THRB: variants seen among roughly 807,000 people sequenced by gnomAD.
THRB encodes thyroid hormone receptor beta.
A neutral mutation model predicts 47.8 loss-of-function variants in THRB; 12 were observed. That is an observed-to-expected ratio of 0.25 (90% CI 0.16 to 0.41). The LOEUF is 0.41. Ranked by LOEUF, THRB falls within the 10% of genes least tolerant of loss-of-function variation. The pLI is 1.00. For missense variants in THRB, 348 were observed against 589.2 expected (o/e 0.59, Z 4.24); for synonymous variants, 218 against 212.2 (o/e 1.03, Z -0.24).
chr3:24,402,140 C>T (rs2067455838), intron 1 of THRB, among the ~76,000 whole-genome samples: 1 of 152,066 alleles, frequency 6.6e-6, no homozygotes, highest in Non-Finnish European at 1.5e-5. Flanking sequence ...GTTACAGAGG[C>T]TCCTGCCCTC....
intron 1 of THRB, among the ~76,000 whole-genome samples, chr3:24,361,378 C>A (rs1219810665): frequency 6.6e-6 from 1 of 152,056 alleles, no homozygotes; most frequent in Non-Finnish European, 1.5e-5. Context: ...TAATACACAG[C>A]CCAAAATAGA....
chr3:24,157,087 T>C (rs538096144), intron 5 of THRB, among the ~76,000 whole-genome samples: 1 of 152,350 alleles, frequency 6.6e-6, no homozygotes, highest in Non-Finnish European at 1.5e-5. Context: ...GGTACAAACT[T>C]GAAACAGCAT....
chr3:24,376,776 A>G (rs868295214), intron 1 of THRB, among the ~76,000 whole-genome samples: 1 of 152,182 alleles, frequency 6.6e-6, no homozygotes, highest in African/African-American at 2.4e-5. Context: ...AATGCCTGCC[A>G]GAACAAAACT....
intron 8 of THRB, among the ~76,000 whole-genome samples, chr3:24,136,426 C>G (rs1375759162): frequency 6.6e-6 from 1 of 152,136 alleles, no homozygotes; most frequent in Non-Finnish European, 1.5e-5. Context: ...GAGTTATTAT[C>G]AGGTTAATCA....
intron 1 of THRB, among the ~76,000 whole-genome samples, chr3:24,484,789 A>G (rs1442645357): frequency 6.6e-6 from 1 of 152,316 alleles, no homozygotes; most frequent in African/African-American, 2.4e-5. Flanking sequence ...TATTTATGAT[A>G]TAGCCTGTTA....
chr3:24,477,007 ATTT>A (rs558247174), intron 1 of THRB, among the ~76,000 whole-genome samples: 6 of 126,468 alleles, frequency 4.7e-5, no homozygotes, highest in African/African-American at 1.2e-4. Context: ...GGTTTTCAAG[ATTT>A]TTTTTTTTTT....
chr3:24,122,788 C>T lies in THRB; in HGVS notation c.*96G>A. 1.3e-6 allele frequency: 2 copies of T among 1,571,430 alleles called. No individual in the cohort carries two copies. Among genetic ancestry groups the T allele is most frequent in the East Asian group, 2.2e-5 (1 of 44,650 alleles). ...TTCCCTTTTCCCTCCCAAATAATCC[C>T]TCCCAACACAAAGAAACAAACAAAA... On this transcript the variant is annotated 3_prime_UTR_variant, in exon 11 of 11. Transcript: ENST00000646209.
At position 24,268,215 on chromosome 3, in the gene THRB, CCAAA is replaced by C. The variant is rs201020096; in HGVS notation, c.-43+29007_-43+29010del. On this transcript the variant is annotated intron_variant, in intron 3 of 10. Coordinates refer to ENST00000646209, the MANE Select transcript of THRB (RefSeq NM_001354712.2). The stretch of plus-strand genomic sequence containing the variant: ...CCCTCAGTGATTCTTGAAAAAACAG[CCAAA>C]CAAACAAAAAAACTGGAGAGTGAAA... 7.1e-3 allele frequency among the ~76,000 whole-genome samples: 1,073 copies of C among 151,988 alleles called. 14 individuals are homozygous for C. Among genetic ancestry groups the C allele is most frequent in the African/African-American group, 0.021 (854 of 41,362 alleles).
intron 2 of THRB, among the ~76,000 whole-genome samples, 168 bp from the exon 3 acceptor site, chr3:24,297,539 C>A (rs932647956): frequency 6.6e-6 from 1 of 152,200 alleles, no homozygotes; most frequent in Non-Finnish European, 1.5e-5. Context: ...CAAATGCATA[C>A]TCATTACAGA....
chr3:24,327,576 A>G (rs1224777924), intron 2 of THRB, among the ~76,000 whole-genome samples: 1 of 152,270 alleles, frequency 6.6e-6, no homozygotes, highest in Non-Finnish European at 1.5e-5. Flanking sequence ...TACTTGGGAT[A>G]TATCTGTAAA....
chr3:24,155,396 G>C (rs1398494498), intron 5 of THRB, among the ~76,000 whole-genome samples: 1 of 152,084 alleles, frequency 6.6e-6, no homozygotes, highest in Non-Finnish European at 1.5e-5. Context: ...TTTCTTTTCT[G>C]TAACATATTA....
chr3:24,239,847 A>G (rs1179792557), intron 3 of THRB, among the ~76,000 whole-genome samples: 1 of 152,066 alleles, frequency 6.6e-6, no homozygotes, highest in Non-Finnish European at 1.5e-5. Context: ...GAGATTCCCA[A>G]CTTTCTCAGT....
chr3:24,128,311 T>C (rs961614191), intron 9 of THRB, among the ~76,000 whole-genome samples: 6 of 152,164 alleles, frequency 3.9e-5, no homozygotes, highest in Admixed American at 1.3e-4. Flanking sequence ...ATAAGCTTCA[T>C]CTAAAGTCAC....
At chr3:24,138,082 A>G (rs2034923496) in intron 8 of THRB, among the ~76,000 whole-genome samples, 1 of 152,032 alleles carries the variant, frequency 6.6e-6, no homozygotes, top group South Asian at 2.1e-4. Context: ...ATCGTGGCCA[A>G]CTGGCTTTCT....
intron 2 of THRB, among the ~76,000 whole-genome samples, chr3:24,316,339 G>T (rs765172905): frequency 6.6e-6 from 1 of 151,992 alleles, no homozygotes; most frequent in African/African-American, 2.4e-5. Context: ...AAATATACTG[G>T]TATATTCTTT....
At chr3:24,349,438 C>T (rs1032059895) in intron 1 of THRB, among the ~76,000 whole-genome samples, 2 of 152,074 alleles carry the variant, frequency 1.3e-5, no homozygotes, top group African/African-American at 4.8e-5. Context: ...GAGGACTTAA[C>T]ACTACCAGTT....
At chr3:24,483,730 A>C (rs1302309599) in intron 1 of THRB, among the ~76,000 whole-genome samples, 2 of 152,232 alleles carry the variant, frequency 1.3e-5, no homozygotes, top group Non-Finnish European at 2.9e-5. Context: ...TATGGCACAA[A>C]AAGTAGAACT....
At chr3:24,300,692 A>T (rs1302892698) in intron 2 of THRB, among the ~76,000 whole-genome samples, 1 of 152,220 alleles carries the variant, frequency 6.6e-6, no homozygotes, top group African/African-American at 2.4e-5. Flanking sequence ...GCAGTGGTGG[A>T]TATTATCGCT....
At chr3:24,341,453 C>T (rs965570992) in intron 1 of THRB, among the ~76,000 whole-genome samples, 4 of 151,934 alleles carry the variant, frequency 2.6e-5, no homozygotes, top group Non-Finnish European at 1.5e-5. Flanking sequence ...AGGCTGGTCT[C>T]GAACTCCTGA....
Sources: gnomAD v4.1 joint callset for allele counts (sites outside exome capture counted in the v4.1 genomes callset) on GRCh38, gnomAD v4.1.1 for gene constraint, MANE v1.5 for transcripts, NCBI Gene and HGNC (gene_info 2026-07-23, HGNC 2026-07-21) for gene names.